BEND2: variants seen among roughly 807,000 people sequenced by gnomAD.
The protein encoded by BEND2 is BEN domain-containing protein 2.
BEND2 carries 19 observed loss-of-function variants against 43.8 expected under a neutral mutation model. That is an observed-to-expected ratio of 0.43 (90% CI 0.30 to 0.64). The LOEUF (loss-of-function observed/expected upper bound fraction) is 0.64. Among genes scored for constraint, BEND2 ranks in the 30% least tolerant of loss-of-function variants. The pLI, the probability that BEND2 is intolerant of heterozygous loss-of-function variation, is 0.11. For synonymous variants in BEND2, 226 were observed against 210.1 expected (o/e 1.08, Z -0.66); for missense variants, 544 against 574.0 (o/e 0.95, Z 0.53).
intron 8 of BEND2, among the ~76,000 whole-genome samples, chrX:18,188,309 G>A (rs1028880695): frequency 1.8e-5 from 2 of 111,378 alleles, no homozygotes; most frequent in East Asian, 5.6e-4. Flanking sequence ...AAGAAAAAGA[G>A]ACAGTGATGA....
rs1438893481 is a variant in BEND2 at position 18,163,000 on chromosome X, T to C, written c.*2009A>G. 1.8e-5 allele frequency: 2 copies of C among 112,619 alleles called. No homozygotes were observed. The highest frequency in any genetic ancestry group is 3.8e-5 in the Non-Finnish European group (2 of 53,319). The allele number at this position is 112,619 out of a possible 1,213,427, so 9.3% of individuals were successfully genotyped here. On this transcript the variant is annotated 3_prime_UTR_variant, in exon 14 of 14. Transcript: ENST00000380033. ...AAAACATTAAAGATACATTTATTTATCAAAAATGAGTCTTATGAGCAGGCA... is the reference window on the plus strand; with the variant it reads ...AAAACATTAAAGATACATTTATTTACCAAAAATGAGTCTTATGAGCAGGCA...
chrX:18,197,298 G>T (rs959860679), intron 6 of BEND2, among the ~76,000 whole-genome samples: 1 of 110,948 alleles, frequency 9.0e-6, no homozygotes, highest in African/African-American at 3.3e-5. Flanking sequence ...AGCCAGGCAT[G>T]GTGGCATGCC....
At chrX:18,206,217 A>C (rs1170836297) in intron 4 of BEND2, among the ~76,000 whole-genome samples, 1 of 111,379 alleles carries the variant, frequency 9.0e-6, no homozygotes, top group Non-Finnish European at 1.9e-5. Flanking sequence ...CAGGAGGCTA[A>C]GCATGCACAG....
intron 2 of BEND2, among the ~76,000 whole-genome samples, chrX:18,214,810 CAAAAAAAAAAAAAAA>C (rs58814498): frequency 8.5e-5 from 3 of 35,450 alleles, no homozygotes; most frequent in Non-Finnish European, 1.4e-4. Context: ...GACTCTGTCT[CAAAAAAAAAAAAAAA>C]AAAAAAAAAA....
At chrX:18,219,878 C>T (rs1925802893) in intron 1 of BEND2, among the ~76,000 whole-genome samples, 1 of 111,373 alleles carries the variant, frequency 9.0e-6, no homozygotes, top group Non-Finnish European at 1.9e-5. Flanking sequence ...TGCACTCCCA[C>T]CTGGGCACCA....
In BEND2 at chrX:18,197,707, A is replaced by G. The variant is rs148160593; in HGVS notation, c.1034-2265T>C. ...AAGAACATTTTTCAAGTGCTTAAGA[A>G]CTCTCAACCGTGAATTTATACATAG... On this transcript the variant is annotated intron_variant, in intron 6 of 13. Coordinates refer to ENST00000380033, the MANE Select transcript of BEND2 (RefSeq NM_153346.5). Among the ~76,000 whole-genome samples, 112 of 110,868 alleles carry G rather than the reference A, an allele frequency of 1.0e-3. 4 individuals carry two copies. In the East Asian group the frequency reaches 0.013, roughly 13 times the overall value.
At chrX:18,177,479 A>G (rs1470235576) in intron 10 of BEND2, 90 bp downstream of exon 10, 6 of 944,486 alleles carry the variant, frequency 6.4e-6, no homozygotes, top group Non-Finnish European at 9.1e-6. Flanking sequence ...ACACAGACTT[A>G]TTGTTATTCC....
chrX:18,169,200 T>C (rs1923901265), intron 13 of BEND2, among the ~76,000 whole-genome samples: 1 of 111,134 alleles, frequency 9.0e-6, no homozygotes, highest in Admixed American at 9.6e-5. Context: ...TATTATATAT[T>C]ATTTATGGAT....
chrX:18,177,045 G>A (rs1186824460), intron 10 of BEND2, among the ~76,000 whole-genome samples: 2 of 110,562 alleles, frequency 1.8e-5, no homozygotes, highest in African/African-American at 6.6e-5. Flanking sequence ...TAGACTATGA[G>A]CTCCTCATAG....
intron 7 of BEND2, among the ~76,000 whole-genome samples, chrX:18,192,817 A>AT (rs758490773): frequency 1.8e-5 from 2 of 111,650 alleles, no homozygotes; most frequent in East Asian, 5.7e-4. Context: ...TGTTCAGGGA[A>AT]TTATGTGCTG....
At chrX:18,168,046 A>G (rs952372225) in intron 13 of BEND2, among the ~76,000 whole-genome samples, 2 of 112,781 alleles carry the variant, frequency 1.8e-5, no homozygotes, top group Non-Finnish European at 3.7e-5. Context: ...ATTTCACTGA[A>G]AAAGCATAAG....
chrX:18,203,975 T>A, intron 4 of BEND2, 60 bp from the exon 5 acceptor site: 1 of 1,048,543 alleles, frequency 9.5e-7, no homozygotes, highest in Non-Finnish European at 1.3e-6. Flanking sequence ...TAGACTTCAA[T>A]TTCTCCATGA....
chrX:18,193,297 G>A (rs893235673), intron 7 of BEND2, among the ~76,000 whole-genome samples: 91 of 109,003 alleles, frequency 8.3e-4, no homozygotes, highest in African/African-American at 2.9e-3. Flanking sequence ...CAGCCTGGGC[G>A]ACAGACAGAG....
At chrX:18,179,827 G>A (rs928206144) in intron 9 of BEND2, among the ~76,000 whole-genome samples, 2 of 112,425 alleles carry the variant, frequency 1.8e-5, no homozygotes, top group Non-Finnish European at 3.8e-5. Context: ...CAGAGCTTGG[G>A]GTCCCCTCAT....
rs1298591227 is a variant in BEND2, at chrX:18,195,341, C to T, written c.1135G>A (p.Ala379Thr). 1 of 1,208,603 alleles carries T rather than the reference C, an allele frequency of 8.3e-7. No individual in the cohort carries two copies. Among genetic ancestry groups the T allele is most frequent in the East Asian group, 3.0e-5 (1 of 33,761 alleles). Reference protein sequence around the residue: ...YYPALSGNTSAPYPASSYLPI... With the variant: ...YYPALSGNTSTPYPASSYLPI... ...AGATATGAAGAGGCTGGATATGGGG[C>T]ACTCGTATTTCCCGATAAAGCTGGG... The change falls in exon 7 of 14, where the codon GCC (alanine) becomes ACC (threonine). Residue 379 changes from alanine (A) to threonine (T), a missense_variant. Ala to Thr is a moderately conservative substitution (Grantham distance 58, BLOSUM62 0). Coordinates refer to ENST00000380033, the MANE Select transcript of BEND2 (RefSeq NM_153346.5).
intron 9 of BEND2, among the ~76,000 whole-genome samples, chrX:18,180,295 T>C (rs1040583440): frequency 8.9e-6 from 1 of 112,263 alleles, no homozygotes; most frequent in Non-Finnish European, 1.9e-5. Flanking sequence ...CACCATGGAG[T>C]CATTATGGGT....
At chrX:18,212,241 T>C (rs913000957) in intron 4 of BEND2, among the ~76,000 whole-genome samples, 1 of 109,139 alleles carries the variant, frequency 9.2e-6, no homozygotes, top group Non-Finnish European at 1.9e-5. Context: ...ATTGCAGGCA[T>C]GCACCACCAC....
At chrX:18,166,905 C>T (rs770052392) in intron 13 of BEND2, among the ~76,000 whole-genome samples, 248 of 108,798 alleles carry the variant, frequency 2.3e-3, no homozygotes, top group African/African-American at 8.1e-3. Flanking sequence ...ATAAAAGAAA[C>T]TGACAGTCAA....
At chrX:18,192,420 T>C (rs976649590) in intron 7 of BEND2, among the ~76,000 whole-genome samples, 1 of 110,859 alleles carries the variant, frequency 9.0e-6, no homozygotes, top group African/African-American at 3.3e-5. Flanking sequence ...TCTTGGAGCA[T>C]CAAAAAGGAA....
Sources: gnomAD v4.1 joint callset for allele counts (sites outside exome capture counted in the v4.1 genomes callset) on GRCh38, gnomAD v4.1.1 for gene constraint, MANE v1.5 for transcripts, NCBI Gene and HGNC (gene_info 2026-07-23, HGNC 2026-07-21) for gene names.